TBC1D22A: variants seen among roughly 807,000 people sequenced by gnomAD.
TBC1D22A encodes putative GTPase activator.
Under a neutral mutation model 60.2 loss-of-function variants are expected in TBC1D22A, and 38 were observed. The ratio of observed to expected loss-of-function variants is 0.63; its 90% CI spans 0.49 to 0.83. The LOEUF (loss-of-function observed/expected upper bound fraction) is 0.83. TBC1D22A is among the 40% of genes least tolerant of loss of function. The probability of loss-of-function intolerance (pLI) is 0.00; values close to 1 mark genes in which losing one functional copy is unlikely to be tolerated. For missense variants in TBC1D22A, 628 were observed against 701.0 expected (o/e 0.90, Z 1.18); for synonymous variants, 302 against 281.7 (o/e 1.07, Z -0.72).
At chr22:46,773,422 A>C (rs1420839668) in intron 1 of TBC1D22A, among the ~76,000 whole-genome samples, 2 of 152,188 alleles carry the variant, frequency 1.3e-5, no homozygotes, top group Non-Finnish European at 2.9e-5. Context: ...GTCACACCTC[A>C]CGCTAGGGAT....
intron 8 of TBC1D22A, among the ~76,000 whole-genome samples, chr22:46,919,151 C>G (rs915971933): frequency 3.3e-5 from 5 of 152,210 alleles, no homozygotes; most frequent in African/African-American, 9.7e-5. Flanking sequence ...CAGTCACTCC[C>G]CATCCTTCCC....
intron 4 of TBC1D22A, among the ~76,000 whole-genome samples, chr22:46,815,943 G>T (rs1421935598): frequency 6.6e-6 from 1 of 152,160 alleles, no homozygotes; most frequent in African/African-American, 2.4e-5. Context: ...ATACCTGCGT[G>T]CGCCATGGGC....
intron 10 of TBC1D22A, among the ~76,000 whole-genome samples, chr22:47,005,936 C>A (rs2061576856): frequency 6.6e-6 from 1 of 151,238 alleles, no homozygotes; most frequent in South Asian, 2.1e-4. Flanking sequence ...ACACACACAC[C>A]CTTATATATA....
chr22:46,972,286 G>A (rs1345860562), intron 8 of TBC1D22A, among the ~76,000 whole-genome samples: 1 of 152,158 alleles, frequency 6.6e-6, no homozygotes, highest in Admixed American at 6.5e-5. Context: ...CATCTTGAGG[G>A]CGTCAGGTCT....
intron 11 of TBC1D22A, among the ~76,000 whole-genome samples, chr22:47,070,129 T>G (rs951418299): frequency 6.9e-6 from 1 of 144,728 alleles, no homozygotes; most frequent in Non-Finnish European, 1.5e-5. Context: ...GGTTCGAGAC[T>G]GTTCCCTGTT....
chr22:47,070,875 G>T lies in TBC1D22A; in HGVS notation c.1329+33677G>T, dbSNP rs563470526. ...CTGTTCCCTGTTGTTTGGCTGGAGCGGGGCTGACCTGACGGTTCCAGGCTG... is the reference window on the plus strand; with the variant it reads ...CTGTTCCCTGTTGTTTGGCTGGAGCTGGGCTGACCTGACGGTTCCAGGCTG... On this transcript the variant is annotated intron_variant, in intron 11 of 12. Coordinates refer to ENST00000337137, the MANE Select transcript of TBC1D22A (RefSeq NM_014346.5). Among the ~76,000 whole-genome samples the T allele has an allele frequency of 2.7e-5, 4 of 150,078 alleles. No homozygotes were observed. In the South Asian group the frequency reaches 8.7e-4, roughly 33 times the overall value.
intron 8 of TBC1D22A, among the ~76,000 whole-genome samples, chr22:46,971,450 CTGA>C (rs2074056004): frequency 6.6e-6 from 1 of 152,230 alleles, no homozygotes; most frequent in African/African-American, 2.4e-5. Context: ...AGGAAGCCTG[CTGA>C]TGATTGCTGC....
At chr22:47,090,977 T>TG (rs2064922575) in intron 11 of TBC1D22A, among the ~76,000 whole-genome samples, 1 of 127,522 alleles carries the variant, frequency 7.8e-6, no homozygotes. Context: ...AAGTTGTCTT[T>TG]GGTGGGGAGT....
At chr22:47,158,138 C>A (rs1220546955) in intron 12 of TBC1D22A, among the ~76,000 whole-genome samples, 1 of 152,214 alleles carries the variant, frequency 6.6e-6, no homozygotes, top group African/African-American at 2.4e-5. Context: ...GAGGCTCTGG[C>A]TCGTGTGGGT....
chr22:47,036,763 C>G (rs1383863919), intron 10 of TBC1D22A, among the ~76,000 whole-genome samples: 3 of 152,136 alleles, frequency 2.0e-5, no homozygotes, highest in Admixed American at 6.5e-5. Flanking sequence ...TGTGGAGCCC[C>G]ACGGTGTGGG....
intron 11 of TBC1D22A, among the ~76,000 whole-genome samples, chr22:47,056,191 C>T (rs1484904287): frequency 2.0e-5 from 3 of 151,752 alleles, no homozygotes; most frequent in African/African-American, 4.8e-5. Flanking sequence ...GGCTGGGTAA[C>T]GCTCCACACT....
At chr22:46,989,796 A>G (rs2074869569) in intron 9 of TBC1D22A, among the ~76,000 whole-genome samples, 1 of 136,828 alleles carries the variant, frequency 7.3e-6, no homozygotes, top group Admixed American at 7.1e-5. Flanking sequence ...CAATAAATAA[A>G]TATATATATA....
chr22:46,867,698 A>G (rs903094799), intron 4 of TBC1D22A, among the ~76,000 whole-genome samples: 1 of 152,276 alleles, frequency 6.6e-6, no homozygotes, highest in Non-Finnish European at 1.5e-5. Flanking sequence ...TAGAAAAAGC[A>G]TCTATAGATG....
At chr22:46,862,433 C>T (rs953626088) in intron 4 of TBC1D22A, among the ~76,000 whole-genome samples, 15 of 152,004 alleles carry the variant, frequency 9.9e-5, no homozygotes, top group Admixed American at 5.9e-4. Flanking sequence ...TTGCCGTGAG[C>T]CTTCCTCAGC....
chr22:47,100,830 C>A (rs1019363300), intron 11 of TBC1D22A, among the ~76,000 whole-genome samples: 2 of 152,166 alleles, frequency 1.3e-5, no homozygotes, highest in African/African-American at 4.8e-5. Flanking sequence ...GGCCCCTCCT[C>A]CCCTTCCCGC....
At chr22:47,012,137 T>A (rs1215736785) in intron 10 of TBC1D22A, among the ~76,000 whole-genome samples, 2 of 152,058 alleles carry the variant, frequency 1.3e-5, no homozygotes, top group Admixed American at 6.5e-5. Flanking sequence ...TGTTTCCTCT[T>A]TGGAAGAGCC....
intron 4 of TBC1D22A, among the ~76,000 whole-genome samples, chr22:46,855,988 C>T (rs771576744): frequency 3.9e-5 from 6 of 152,178 alleles, no homozygotes; most frequent in South Asian, 2.1e-4. Flanking sequence ...GACATCTAGG[C>T]GTGTGCTCGC....
chr22:46,998,363 C>T (rs911947071), intron 10 of TBC1D22A, among the ~76,000 whole-genome samples: 3 of 152,102 alleles, frequency 2.0e-5, no homozygotes, highest in Non-Finnish European at 2.9e-5. Context: ...AGAGCATTAA[C>T]TAAGTGATGC....
intron 9 of TBC1D22A, among the ~76,000 whole-genome samples, chr22:46,995,862 C>G (rs538365376): frequency 6.6e-6 from 1 of 152,246 alleles, no homozygotes; most frequent in East Asian, 1.9e-4. Context: ...ACACCACTCT[C>G]TGGTTTACTT....
Sources: gnomAD v4.1 joint callset for allele counts (sites outside exome capture counted in the v4.1 genomes callset) on GRCh38, gnomAD v4.1.1 for gene constraint, MANE v1.5 for transcripts, NCBI Gene and HGNC (gene_info 2026-07-23, HGNC 2026-07-21) for gene names.